Variants in IGF1R observed in about 807,000 individuals in gnomAD.
IGF1R encodes the protein insulin-like growth factor 1 receptor.
In IGF1R, 44 loss-of-function variants were observed where a neutral mutation model predicts 144.6. That is an observed-to-expected ratio of 0.30 (90% CI 0.24 to 0.39). The LOEUF is 0.39. Ranked by LOEUF, IGF1R falls within the 10% of genes least tolerant of loss-of-function variation. The pLI is 1.00. For missense variants in IGF1R, 1,355 were observed against 1,833.7 expected (o/e 0.74, Z 4.77); for synonymous variants, 795 against 722.8 (o/e 1.10, Z -1.60).
At chr15:98,820,216 T>C (rs1021778857) in intron 2 of IGF1R, among the ~76,000 whole-genome samples, 1 of 150,720 alleles carries the variant, frequency 6.6e-6, no homozygotes, top group African/African-American at 2.5e-5. Flanking sequence ...TATATATATA[T>C]ATATAATTCT....
intron 17 of IGF1R, 85 bp from the exon 18 acceptor site, chr15:98,939,116 A>T (rs2016268508): frequency 1.7e-6 from 2 of 1,160,186 alleles, no homozygotes; most frequent in Non-Finnish European, 2.6e-6. Flanking sequence ...AGATTGAACA[A>T]AGATGATATG....
chr15:98,689,119 C>G (rs532179363), intron 1 of IGF1R, among the ~76,000 whole-genome samples: 1 of 151,992 alleles, frequency 6.6e-6, no homozygotes, highest in East Asian at 1.9e-4. Flanking sequence ...AGCAGTTTTT[C>G]ATCTTCATTG....
At chr15:98,669,631 T>C (rs181277721) in intron 1 of IGF1R, among the ~76,000 whole-genome samples, 1 of 152,194 alleles carries the variant, frequency 6.6e-6, no homozygotes, top group East Asian at 1.9e-4. Context: ...GCTTGAGCAG[T>C]GGGTGAGAAA....
intron 2 of IGF1R, among the ~76,000 whole-genome samples, chr15:98,740,052 G>A (rs1450830954): frequency 6.6e-6 from 1 of 152,144 alleles, no homozygotes; most frequent in African/African-American, 2.4e-5. Context: ...GACTGCTCAC[G>A]CCTAGGGAAT....
At chr15:98,710,538 A>G (rs60172075) in intron 2 of IGF1R, among the ~76,000 whole-genome samples, 1,530 of 152,302 alleles carry the variant, frequency 0.01, 24 homozygotes, top group African/African-American at 0.035. Flanking sequence ...AAGACATAGT[A>G]TAGCAAAAAC....
chr15:98,666,906 A>G (rs757748816), intron 1 of IGF1R, among the ~76,000 whole-genome samples: 1 of 152,236 alleles, frequency 6.6e-6, no homozygotes, highest in Non-Finnish European at 1.5e-5. Flanking sequence ...TTTGTTGTGT[A>G]TATTTTACCA....
intron 5 of IGF1R, among the ~76,000 whole-genome samples, chr15:98,902,315 T>A (rs538617357): frequency 2.0e-5 from 3 of 152,332 alleles, no homozygotes; most frequent in African/African-American, 7.2e-5. Context: ...CACAAAGCAC[T>A]TTGACGGTTT....
At chr15:98,726,373 A>T (rs2054360668) in intron 2 of IGF1R, among the ~76,000 whole-genome samples, 1 of 152,170 alleles carries the variant, frequency 6.6e-6, no homozygotes, top group Non-Finnish European at 1.5e-5. Flanking sequence ...CTTGCTCTGA[A>T]GAAGGCTAGG....
At chr15:98,790,711 A>G (rs1391145318) in intron 2 of IGF1R, among the ~76,000 whole-genome samples, 2 of 152,242 alleles carry the variant, frequency 1.3e-5, no homozygotes, top group African/African-American at 4.8e-5. Context: ...AAGGAAAACA[A>G]AATTAACGGC....
In IGF1R at chr15:98,896,856, A is replaced by G. The variant is rs1186075522; in HGVS notation, c.1053A>G (p.Gln351=). ...IDSVTSAQML[Q]GCTIFKGNLL... ...CTGTTACTTCTGCTCAGATGCTCCAAGGATGCACCATCTTCAAGGGCAATT... is the reference window on the plus strand; with the variant it reads ...CTGTTACTTCTGCTCAGATGCTCCAGGGATGCACCATCTTCAAGGGCAATT... Residue 351 remains glutamine (Q), a synonymous_variant, in exon 4 of 21, where the codon CAA becomes CAG. Transcript: ENST00000650285. 2 of 1,613,986 alleles carry G rather than the reference A, an allele frequency of 1.2e-6. No homozygotes were observed. The highest frequency in any genetic ancestry group is 2.2e-5 in the East Asian group (1 of 44,896).
intron 13 of IGF1R, among the ~76,000 whole-genome samples, chr15:98,927,548 C>G (rs1176505023): frequency 6.6e-6 from 1 of 152,122 alleles, no homozygotes; most frequent in Non-Finnish European, 1.5e-5. Flanking sequence ...TCAAAAAGAA[C>G]ACAGTACAGC....
chr15:98,755,067 G>A (rs890341872), intron 2 of IGF1R, among the ~76,000 whole-genome samples: 2 of 152,142 alleles, frequency 1.3e-5, no homozygotes, highest in African/African-American at 4.8e-5. Flanking sequence ...TAAAATAAAA[G>A]ATATATATAG....
rs1487961663 is a variant in IGF1R at position 98,648,681 on chromosome 15, G to C, written c.-901G>C. Among the ~76,000 whole-genome samples the C allele has an allele frequency of 6.8e-6, 1 of 146,996 alleles. No individual in the cohort carries two copies. The highest frequency in any genetic ancestry group is 2.1e-4 in the South Asian group (1 of 4,820). On this transcript the variant is annotated 5_prime_UTR_variant, in exon 1 of 21. Transcript: ENST00000650285. ...GAACTCGAGAGAGGCGGGAGAGCGA[G>C]AGGGACGCCGCCAGCGAGCCTGCCC...
intron 19 of IGF1R, among the ~76,000 whole-genome samples, chr15:98,947,819 C>A (rs575013550): frequency 5.9e-5 from 9 of 152,338 alleles, no homozygotes; most frequent in African/African-American, 1.2e-4. Flanking sequence ...CTGGTCCCCC[C>A]ACCTGTGACA....
intron 2 of IGF1R, among the ~76,000 whole-genome samples, chr15:98,834,465 T>C (rs1596342649): frequency 6.6e-6 from 1 of 152,378 alleles, no homozygotes; most frequent in East Asian, 1.9e-4. Context: ...GTAAAAACTC[T>C]TGCCTTCACA....
intron 1 of IGF1R, among the ~76,000 whole-genome samples, chr15:98,653,008 A>T (rs1448560439): frequency 6.6e-6 from 1 of 150,534 alleles, no homozygotes; most frequent in Non-Finnish European, 1.5e-5. Context: ...CGTTAAAATT[A>T]TTACATACAT....
chr15:98,863,271 T>C (rs1010618131), intron 2 of IGF1R, among the ~76,000 whole-genome samples: 1 of 152,200 alleles, frequency 6.6e-6, no homozygotes, highest in Non-Finnish European at 1.5e-5. Flanking sequence ...TGTCAGGAGA[T>C]GCGTGATGTT....
At chr15:98,700,205 C>T (rs2053692959) in intron 1 of IGF1R, among the ~76,000 whole-genome samples, 1 of 152,144 alleles carries the variant, frequency 6.6e-6, no homozygotes, top group South Asian at 2.1e-4. Context: ...GGAGGGTGTG[C>T]TGAGACCTTG....
rs1257279260 is a variant in IGF1R, at chr15:98,704,840, A to G, written c.95-2722A>G. Reference sequence around the variant, plus strand: ...GGGCAGCATTGTGGGAAGAGCAACCAAGATTCTCATAGGCTTGGGAGCGGA... The same window carrying G: ...GGGCAGCATTGTGGGAAGAGCAACCGAGATTCTCATAGGCTTGGGAGCGGA... On this transcript the variant is annotated intron_variant, in intron 1 of 20. Coordinates refer to ENST00000650285, the MANE Select transcript of IGF1R (RefSeq NM_000875.5). The surrounding 1 kb of genome is among the most constrained non-coding windows in gnomAD (Gnocchi z 4.9). Among the ~76,000 whole-genome samples the G allele has an allele frequency of 6.6e-6, 1 of 152,140 alleles. No individual in the cohort carries two copies. The highest frequency in any genetic ancestry group is 1.5e-5 in the Non-Finnish European group (1 of 68,034).
Sources: gnomAD v4.1 joint callset for allele counts (sites outside exome capture counted in the v4.1 genomes callset) on GRCh38, gnomAD v4.1.1 for gene constraint, Gnocchi (gnomAD v3.1) non-coding constraint, MANE v1.5 for transcripts, NCBI Gene and HGNC (gene_info 2026-07-23, HGNC 2026-07-21) for gene names.